EEF2K: variants seen among roughly 807,000 people sequenced by gnomAD.
EEF2K encodes eukaryotic elongation factor 2 kinase.
Under a neutral mutation model 93.8 loss-of-function variants are expected in EEF2K, and 70 were observed. The ratio of observed to expected loss-of-function variants is 0.75; its 90% CI spans 0.62 to 0.91. EEF2K has a LOEUF of 0.91. Ranked by LOEUF, EEF2K falls within the 40% of genes least tolerant of loss-of-function variation. The pLI is 0.00. For synonymous variants in EEF2K, 376 were observed against 380.8 expected, an observed-to-expected ratio of 0.99 and a Z score of 0.15; for missense variants, 935 against 972.9, an observed-to-expected ratio of 0.96 and a Z score of 0.52.
chr16:22,266,670 C>T lies in EEF2K; in HGVS notation c.1576-18C>T, dbSNP rs1158125178. ...GGCCCGCCAGACAGCCAGGCCGACA[C>T]CGTAGTCTGTGTGGCAGGTCCATCT... On this transcript the variant is annotated intron_variant, in intron 14 of 17. Transcript: ENST00000263026. 6.2e-7 allele frequency: 1 copy of T among 1,600,476 alleles called. No individual in the cohort carries two copies. The highest frequency in any genetic ancestry group is 1.7e-5 in the Admixed American group (1 of 59,328).
At chr16:22,222,813 G>A (rs1370209326) in intron 1 of EEF2K, among the ~76,000 whole-genome samples, 5 of 152,044 alleles carry the variant, frequency 3.3e-5, no homozygotes, top group African/African-American at 1.2e-4. Context: ...GAACCTGGGG[G>A]TGGAGGTTAC....
intron 15 of EEF2K, among the ~76,000 whole-genome samples, chr16:22,269,692 G>T (rs2047557770): frequency 6.6e-6 from 1 of 152,020 alleles, no homozygotes; most frequent in Non-Finnish European, 1.5e-5. Context: ...ATAAGCCACA[G>T]TGCCCAGCCA....
At chr16:22,267,102 C>T (rs1488662868) in intron 15 of EEF2K, among the ~76,000 whole-genome samples, 4 of 152,138 alleles carry the variant, frequency 2.6e-5, no homozygotes, top group African/African-American at 7.2e-5. Flanking sequence ...AGGTAAGTCA[C>T]GTTTCCAGGT....
intron 12 of EEF2K, among the ~76,000 whole-genome samples, chr16:22,264,334 TG>T (rs1381841337): frequency 1.4e-5 from 2 of 143,960 alleles, no homozygotes; most frequent in African/African-American, 5.2e-5. Context: ...CAGCTGGGCC[TG>T]GTGGCTCACC....
At chr16:22,242,650 G>A (rs1002231949) in intron 2 of EEF2K, among the ~76,000 whole-genome samples, 2 of 151,974 alleles carry the variant, frequency 1.3e-5, no homozygotes, top group African/African-American at 4.8e-5. Context: ...AGTTCTTTTG[G>A]GCCATCATAA....
chr16:22,226,319 G>T (rs1206209884), intron 2 of EEF2K, among the ~76,000 whole-genome samples: 1 of 135,654 alleles, frequency 7.4e-6, no homozygotes, highest in Non-Finnish European at 1.5e-5. Context: ...GTGCAGAGGT[G>T]CTGTTCTTTT....
intron 1 of EEF2K, among the ~76,000 whole-genome samples, chr16:22,218,882 T>C (rs1195744347): frequency 2.7e-5 from 4 of 148,514 alleles, no homozygotes; most frequent in African/African-American, 1.0e-4. Context: ...CCCCAGCACG[T>C]TGGAAGGCCG....
At chr16:22,245,769 C>T (rs978629159) in intron 3 of EEF2K, among the ~76,000 whole-genome samples, 2 of 152,124 alleles carry the variant, frequency 1.3e-5, no homozygotes, top group African/African-American at 4.8e-5. Flanking sequence ...CTTAGGTATG[C>T]ACCTATCTGT....
At chr16:22,226,202 G>A (rs528252377) in intron 2 of EEF2K, among the ~76,000 whole-genome samples, 9 of 152,132 alleles carry the variant, frequency 5.9e-5, no homozygotes, top group Non-Finnish European at 1.0e-4. Flanking sequence ...GACACACTAC[G>A]GAGTTGTGAA....
intron 3 of EEF2K, among the ~76,000 whole-genome samples, chr16:22,247,595 G>A (rs772297058): frequency 5.3e-5 from 8 of 152,108 alleles, no homozygotes; most frequent in Admixed American, 6.6e-5. Flanking sequence ...AAGAAGAATC[G>A]CAACAGGCCT....
At chr16:22,246,051 C>T (rs1344578276) in intron 3 of EEF2K, among the ~76,000 whole-genome samples, 2 of 152,136 alleles carry the variant, frequency 1.3e-5, no homozygotes, top group Non-Finnish European at 2.9e-5. Flanking sequence ...CAAGACCGTC[C>T]CCGACTTTCA....
At chr16:22,218,426 G>A (rs902592367) in intron 1 of EEF2K, among the ~76,000 whole-genome samples, 2 of 152,184 alleles carry the variant, frequency 1.3e-5, no homozygotes, top group Admixed American at 6.5e-5. Context: ...GCTTTCTATG[G>A]TAGGAAGGCA....
rs911307504 is a variant in EEF2K, at chr16:22,287,388, A to G, written c.*3392A>G. 12 of 152,248 alleles carry G rather than the reference A, an allele frequency of 7.9e-5. No individual in the cohort carries two copies. The highest frequency in any genetic ancestry group is 2.1e-4 in the South Asian group (1 of 4,830). 9.4% of individuals were successfully genotyped at this position (152,248 alleles called of 1,614,324 possible). On this transcript the variant is annotated 3_prime_UTR_variant, in exon 18 of 18. Coordinates refer to ENST00000263026, the MANE Select transcript of EEF2K (RefSeq NM_013302.5). ...GCAAAACCCAGGACATTCCAGCCCA[A>G]CTGGGACGATATCAGAGACCATCTT... is the stretch of plus-strand genomic sequence containing the variant.
rs1472806060 is a variant in EEF2K, at chr16:22,285,833, G to T, written c.*1837G>T. 1 of 152,324 alleles carries T rather than the reference G, an allele frequency of 6.6e-6. No homozygotes were observed. Among genetic ancestry groups the T allele is most frequent in the Non-Finnish European group, 1.5e-5 (1 of 68,030 alleles). 9.4% of individuals were successfully genotyped at this position (152,324 alleles called of 1,614,324 possible). A position where few individuals can be genotyped will look rare whatever the true frequency, so the allele number is the denominator to read the frequency against. ...AGTGGGGTTTGTTGTTGTTGCTTATGCAGAGAGATTATTTTCTTTTTATTA... is the reference window on the plus strand; with the variant it reads ...AGTGGGGTTTGTTGTTGTTGCTTATTCAGAGAGATTATTTTCTTTTTATTA... On this transcript the variant is annotated 3_prime_UTR_variant, in exon 18 of 18. Transcript: ENST00000263026.
At chr16:22,249,934 A>G (rs1426521552) in intron 4 of EEF2K, among the ~76,000 whole-genome samples, 1 of 151,910 alleles carries the variant, frequency 6.6e-6, no homozygotes, top group African/African-American at 2.4e-5. Context: ...GGCATGCACC[A>G]TCACGCCCAG....
intron 1 of EEF2K, among the ~76,000 whole-genome samples, chr16:22,221,543 T>C (rs541272211): frequency 6.6e-6 from 1 of 152,268 alleles, no homozygotes; most frequent in South Asian, 2.1e-4. Flanking sequence ...GAAATTTTAC[T>C]GTCCATTTTA....
In EEF2K at chr16:22,219,369, G is replaced by A. The variant is rs181630731; in HGVS notation, c.-76-6285G>A. ...CTTTAGGCCAGGTGCAGTGGCTCAC[G>A]CCTGTCATCCCAACACTTCAGGAGG... is the stretch of plus-strand genomic sequence containing the variant. On this transcript the variant is annotated intron_variant, in intron 1 of 17. Coordinates refer to ENST00000263026, the MANE Select transcript of EEF2K (RefSeq NM_013302.5). 4.6e-5 allele frequency among the ~76,000 whole-genome samples: 7 copies of A among 152,334 alleles called. No individual in the cohort carries two copies. In the East Asian group the frequency reaches 9.6e-4, roughly 21 times the overall value.
Position 22,225,915 on chromosome 16 carries a change from C to T in EEF2K, c.186C>T (p.Asn62=). ...CCAAGGTTAATAAGTACTACAGCAA[C>T]CTAACAAAAAGTGAGCGGTATAGCT... ...VNSKVNKYYS[N]LTKSERYSSS... is the part of the protein sequence containing the mutation. Residue 62 remains asparagine (N), a synonymous_variant, in exon 2 of 18, where the codon AAC becomes AAT. Coordinates refer to ENST00000263026, the MANE Select transcript of EEF2K (RefSeq NM_013302.5). 1 of 1,614,128 alleles carries T rather than the reference C, an allele frequency of 6.2e-7. No individual in the cohort carries two copies. Among genetic ancestry groups the T allele is most frequent in the Non-Finnish European group, 8.5e-7 (1 of 1,180,032 alleles).
intron 10 of EEF2K, 47 bp from the exon 11 acceptor site, chr16:22,260,415 G>C (rs2047450706): frequency 6.2e-7 from 1 of 1,609,428 alleles, no homozygotes; most frequent in African/African-American, 1.3e-5. Flanking sequence ...TCTTATGCAT[G>C]TTCCAGTAGT....
Sources: allele counts gnomAD v4.1 joint callset (sites outside exome capture counted in the v4.1 genomes callset), GRCh38; gene constraint gnomAD v4.1.1; transcripts MANE v1.5; gene names NCBI Gene and HGNC (gene_info 2026-07-23, HGNC 2026-07-21).